Variants in PCM1 observed in about 807,000 individuals in gnomAD.
PCM1 encodes the protein pericentriolar material 1.
PCM1 carries 157 observed loss-of-function variants against 241.9 expected under a neutral mutation model. The ratio of observed to expected loss-of-function variants is 0.65; its 90% CI spans 0.57 to 0.74. The LOEUF (loss-of-function observed/expected upper bound fraction) is 0.74, where lower values mean the gene tolerates loss of function less well. Among genes scored for constraint, PCM1 ranks in the 30% least tolerant of loss-of-function variants. The pLI is 0.00. For synonymous variants in PCM1, 1,085 were observed against 784.9 expected (o/e 1.38, Z -6.39); for missense variants, 3,478 against 2,360.1 (o/e 1.47, Z -9.81).
intron 30 of PCM1, among the ~76,000 whole-genome samples, chr8:18,008,895 C>G (rs1446637686): frequency 6.6e-6 from 1 of 152,160 alleles, no homozygotes; most frequent in East Asian, 1.9e-4. Flanking sequence ...GTTCAAGTTG[C>G]CAGGGCTTAA....
At position 17,935,503 on chromosome 8, in the gene PCM1, A is replaced by G. The variant is rs73580037; in HGVS notation, c.-22-86A>G. 40 of 606,974 alleles carry G rather than the reference A, an allele frequency of 6.6e-5. No individual in the cohort carries two copies. The African/African-American group carries it at 6.6e-4, about 10-fold the overall frequency. 37.6% of individuals were successfully genotyped at this position (606,974 alleles called of 1,614,324 possible). On this transcript the variant is annotated intron_variant, in intron 2 of 38. Transcript: ENST00000325083. The stretch of plus-strand genomic sequence containing the variant: ...GTTCATAAAAATCAGTGCTTCAAAG[A>G]TTGTATTGCTAAACTTCATGGAATG...
intron 1 of PCM1, among the ~76,000 whole-genome samples, chr8:17,924,265 G>A (rs1350631703): frequency 6.6e-6 from 1 of 152,170 alleles, no homozygotes; most frequent in Admixed American, 6.5e-5. Context: ...TGAATTGAAG[G>A]TAAACCTGGT....
intron 23 of PCM1, among the ~76,000 whole-genome samples, chr8:17,974,569 A>G (rs915745146): frequency 6.6e-6 from 1 of 152,174 alleles, no homozygotes; most frequent in Non-Finnish European, 1.5e-5. Flanking sequence ...TCTGTGGACT[A>G]CACTTCAAGT....
chr8:17,976,338 C>G (rs2078762025), intron 23 of PCM1, among the ~76,000 whole-genome samples: 2 of 152,206 alleles, frequency 1.3e-5, no homozygotes, highest in Admixed American at 6.5e-5. Flanking sequence ...GTGGGACACC[C>G]TGTTGCTGAG....
At chr8:17,948,779 G>C (rs915709676) in intron 7 of PCM1, among the ~76,000 whole-genome samples, 4 of 152,124 alleles carry the variant, frequency 2.6e-5, no homozygotes, top group Non-Finnish European at 5.9e-5. Flanking sequence ...ATAATGACTA[G>C]TACTAGTTTG....
rs548038007 is a variant in PCM1 at position 18,009,672 on chromosome 8, T to C, written c.5088T>C (p.Asn1696=). The C allele has an allele frequency of 2.5e-6, 4 of 1,575,612 alleles. No individual in the cohort carries two copies. Among genetic ancestry groups the C allele is most frequent in the East Asian group, 2.3e-5 (1 of 44,112 alleles). The change falls in exon 31 of 39, where the codon AAT becomes AAC. Residue 1696 remains asparagine (N), a synonymous_variant. Transcript: ENST00000325083. ...AGCTTATGCAAGATTTGGATAATAA[T>C]AGTATAACTGTTAAACAGAGATGCA... ...FFKLMQDLDN[N]SITVKQRCKR...
intron 29 of PCM1, among the ~76,000 whole-genome samples, chr8:17,996,288 AT>A (rs2086717304): frequency 6.6e-6 from 1 of 152,208 alleles, no homozygotes; most frequent in Non-Finnish European, 1.5e-5. Context: ...ATCAGTTAAA[AT>A]GATCATATGG....
chr8:17,965,883 T>G, intron 18 of PCM1, 116 bp from the exon 19 acceptor site: 1 of 656,448 alleles, frequency 1.5e-6, no homozygotes, highest in Non-Finnish European at 2.6e-6. Flanking sequence ...ACTTTGTATG[T>G]TCTTTTAATT....
At chr8:17,948,573 G>C (rs1313618037) in intron 7 of PCM1, among the ~76,000 whole-genome samples, 1 of 151,912 alleles carries the variant, frequency 6.6e-6, no homozygotes, top group African/African-American at 2.4e-5. Flanking sequence ...AAAGTGCTGG[G>C]ATTACAGGCG....
chr8:17,959,878 CAT>C lies in PCM1; in HGVS notation c.2041-135_2041-134del, dbSNP rs57605189. The C allele has an allele frequency of 3.9e-3, 2,793 of 714,462 alleles. 60 individuals carry two copies. In the African/African-American group the frequency reaches 0.044, roughly 11 times the overall value. The allele number at this position is 714,462 out of a possible 1,614,324, so 44.3% of individuals were successfully genotyped here. ...CAAATATATATTGAACACGTGTACA[CAT>C]GTATACAAACGTGCTTTCTTTACTG... On this transcript the variant is annotated intron_variant, in intron 13 of 38. Transcript: ENST00000325083.
chr8:17,927,323 G>C (rs1435813380), intron 2 of PCM1: 4 of 152,004 alleles, frequency 2.6e-5, no homozygotes, highest in African/African-American at 9.7e-5. Context: ...TAGAGGCGGA[G>C]TTTCGCCATG....
chr8:17,933,565 A>C (rs1049898051), intron 2 of PCM1, among the ~76,000 whole-genome samples: 1 of 152,170 alleles, frequency 6.6e-6, no homozygotes, highest in Admixed American at 6.5e-5. Context: ...TAGTTTTTCT[A>C]CTTATTCACA....
At chr8:17,958,266 C>G (rs960145134) in intron 13 of PCM1, among the ~76,000 whole-genome samples, 1 of 152,130 alleles carries the variant, frequency 6.6e-6, no homozygotes, top group Non-Finnish European at 1.5e-5. Context: ...AGAATTCAGA[C>G]TTCCTGATAC....
At chr8:17,978,840 A>G (rs549586231) in intron 23 of PCM1, among the ~76,000 whole-genome samples, 56 of 152,356 alleles carry the variant, frequency 3.7e-4, no homozygotes, top group Middle Eastern at 3.4e-3. Context: ...TATCAAAAGA[A>G]TTCTAGACTA....
intron 2 of PCM1, among the ~76,000 whole-genome samples, chr8:17,935,171 A>G (rs1375159641): frequency 6.6e-6 from 1 of 152,166 alleles, no homozygotes; most frequent in Non-Finnish European, 1.5e-5. Context: ...GCATACAACT[A>G]ATGCCTGTGT....
chr8:18,028,406 AG>A lies in PCM1; in HGVS notation c.*747del, dbSNP rs1483483355. ...TAAAAAAAATAAGCTTTATATAATT[AG>A]GGAGATTTCTGCACAGAGAAGTAAC... is the stretch of plus-strand genomic sequence containing the variant. On this transcript the variant is annotated 3_prime_UTR_variant, in exon 39 of 39. Coordinates refer to ENST00000325083, the MANE Select transcript of PCM1 (RefSeq NM_006197.4). 1.0e-5 allele frequency: 2 copies of A among 193,152 alleles called. No individual in the cohort carries two copies. Among genetic ancestry groups the A allele is most frequent in the Non-Finnish European group, 2.2e-5 (2 of 92,548 alleles). 12.0% of individuals were successfully genotyped at this position (193,152 alleles called of 1,614,324 possible).
In PCM1 at chr8:17,963,267, C is replaced by T; in HGVS notation, c.2630C>T (p.Thr877Ile). The change falls in exon 17 of 39, where the codon ACT becomes ATT. Residue 877 changes from threonine to isoleucine, a missense_variant. Coordinates refer to ENST00000325083, the MANE Select transcript of PCM1 (RefSeq NM_006197.4). ...AGTGATGGATCTGAGAACCTATGTACTCCTCAGCAAAGTAGAACAGAAAAG... is the reference window on the plus strand; with the variant it reads ...AGTGATGGATCTGAGAACCTATGTATTCCTCAGCAAAGTAGAACAGAAAAG... Reference protein sequence around the residue: ...LRSDGSENLCTPQQSRTEKTM... With the variant: ...LRSDGSENLCIPQQSRTEKTM... The T allele has an allele frequency of 6.2e-7, 1 of 1,601,964 alleles. No homozygotes were observed. The highest frequency in any genetic ancestry group is 8.5e-7 in the Non-Finnish European group (1 of 1,176,862).
At chr8:18,020,635 A>G (rs918995503) in intron 36 of PCM1, among the ~76,000 whole-genome samples, 3 of 152,222 alleles carry the variant, frequency 2.0e-5, no homozygotes, top group African/African-American at 7.2e-5. Context: ...TCCTATGAAA[A>G]AACTGTAGAG....
intron 34 of PCM1, 138 bp from the exon 35 acceptor site, chr8:18,013,826 T>A (rs1352582501): frequency 1.6e-6 from 1 of 608,624 alleles, no homozygotes; most frequent in East Asian, 3.2e-5. Context: ...GCCGCCTCCT[T>A]GAAATAGTTT....
Sources: gnomAD v4.1 joint callset for allele counts (sites outside exome capture counted in the v4.1 genomes callset) on GRCh38, gnomAD v4.1.1 for gene constraint, MANE v1.5 for transcripts, NCBI Gene and HGNC (gene_info 2026-07-23, HGNC 2026-07-21) for gene names.